Variants in DVL3 observed in about 807,000 individuals in gnomAD.
DVL3 encodes segment polarity protein dishevelled homolog DVL-3.
A neutral mutation model predicts 67.4 loss-of-function variants in DVL3; 27 were observed. The ratio of observed to expected loss-of-function variants is 0.40; its 90% CI spans 0.30 to 0.55. The LOEUF is 0.55. DVL3 is among the 20% of genes least tolerant of loss of function. The pLI is 0.46. For missense variants in DVL3, 819 were observed against 1,021.5 expected (o/e 0.80, Z 2.70); for synonymous variants, 369 against 396.8 (o/e 0.93, Z 0.83).
rs947333915 is a variant in DVL3 at position 184,172,921 on chromosome 3, T to A, written c.*2166T>A. The A allele has an allele frequency of 6.6e-6, 1 of 152,242 alleles. No individual in the cohort carries two copies. Among genetic ancestry groups the A allele is most frequent in the African/African-American group, 2.4e-5 (1 of 41,438 alleles). The allele number at this position is 152,242 out of a possible 1,614,324, so 9.4% of individuals were successfully genotyped here. A position where few individuals can be genotyped will look rare whatever the true frequency, so the allele number is the denominator to read the frequency against. On this transcript the variant is annotated 3_prime_UTR_variant, in exon 15 of 15. Coordinates refer to ENST00000313143, the MANE Select transcript of DVL3 (RefSeq NM_004423.4). The stretch of plus-strand genomic sequence containing the variant: ...TCTCTGACTCTGTCTTGTCCGACTC[T>A]CTTGAGAATTTCTCAACGATTGCTC...
Position 184,163,323 on chromosome 3 carries a change from G to A in DVL3, c.162-334G>A, listed in dbSNP as rs1264062050. Reference sequence around the variant, plus strand: ...ATTAGGGATCAGAGGGAAAGAGAAAGTCTAGCCCAGGAGAGTCATGTTGGG... The same window carrying A: ...ATTAGGGATCAGAGGGAAAGAGAAAATCTAGCCCAGGAGAGTCATGTTGGG... On this transcript the variant is annotated intron_variant, in intron 1 of 14. Transcript: ENST00000313143. The surrounding 1 kb of genome is among the most constrained non-coding windows in gnomAD (Gnocchi z 4.5). Among the ~76,000 whole-genome samples the A allele has an allele frequency of 2.6e-5, 4 of 152,202 alleles. No individual in the cohort carries two copies. Among genetic ancestry groups the A allele is most frequent in the African/African-American group, 9.7e-5 (4 of 41,440 alleles).
chr3:184,169,909 G>C, intron 13 of DVL3, 97 bp from the exon 14 acceptor site: 2 of 1,173,320 alleles, frequency 1.7e-6, no homozygotes, highest in Admixed American at 2.5e-5. Context: ...ATTCTAGCCA[G>C]AAACTACCAC....
chr3:184,166,792 G>A lies in DVL3; in HGVS notation c.1049-34G>A, dbSNP rs549592211. The A allele has an allele frequency of 1.1e-5, 17 of 1,613,482 alleles. No individual in the cohort carries two copies. In the East Asian group the frequency reaches 3.3e-4, roughly 32 times the overall value. On this transcript the variant is annotated intron_variant, in intron 10 of 14. Transcript: ENST00000313143. This position sits in a 1 kb window ranked among gnomAD's most constrained non-coding sequence, Gnocchi z 6.7. ...CCTGTTGGGCCCAGCAGTGGGTGGG[G>A]TGGGTAGCCCATGACTCCTCATCCT...
chr3:184,165,684 G>A lies in DVL3; in HGVS notation c.763+193G>A, dbSNP rs1714558788. Among the ~76,000 whole-genome samples, 1 of 152,208 alleles carries A rather than the reference G, an allele frequency of 6.6e-6. No homozygotes were observed. On this transcript the variant is annotated intron_variant, in intron 7 of 14. Coordinates refer to ENST00000313143, the MANE Select transcript of DVL3 (RefSeq NM_004423.4). The surrounding 1 kb of genome is among the most constrained non-coding windows in gnomAD (Gnocchi z 4.1). ...ACAGAGATAAGCACAGAGAGCTGTGGAAGCAGAAAATGGTATCAGGGAAGG... is the reference window on the plus strand; with the variant it reads ...ACAGAGATAAGCACAGAGAGCTGTGAAAGCAGAAAATGGTATCAGGGAAGG...
intron 13 of DVL3, 98 bp from the exon 14 acceptor site, chr3:184,169,908 A>G: frequency 8.6e-7 from 1 of 1,156,438 alleles, no homozygotes; most frequent in Non-Finnish European, 1.2e-6. Flanking sequence ...CATTCTAGCC[A>G]GAAACTACCA....
Position 184,164,956 on chromosome 3 carries a change from T to C in DVL3, c.599+25T>C, listed in dbSNP as rs775506324. ...GGTGGGGCTTGAGTTTCATGGGTAT[T>C]GTGGGGCAGGTGACCCTGGAGGAGC... On this transcript the variant is annotated intron_variant, in intron 5 of 14. Coordinates refer to ENST00000313143, the MANE Select transcript of DVL3 (RefSeq NM_004423.4). The surrounding 1 kb of genome is among the most constrained non-coding windows in gnomAD (Gnocchi z 5.3). 9.3e-6 allele frequency: 15 copies of C among 1,613,928 alleles called. No individual in the cohort carries two copies. In the South Asian group the frequency reaches 1.3e-4, roughly 14 times the overall value.
chr3:184,160,282 A>G (rs1714336992), intron 1 of DVL3, among the ~76,000 whole-genome samples: 2 of 152,174 alleles, frequency 1.3e-5, no homozygotes, highest in South Asian at 4.1e-4. Context: ...TGAACAATGA[A>G]TGATGAACAG....
At chr3:184,158,280 C>T (rs1178246916) in intron 1 of DVL3, among the ~76,000 whole-genome samples, 3 of 150,960 alleles carry the variant, frequency 2.0e-5, no homozygotes, top group African/African-American at 7.3e-5. Context: ...CTGCAGTGAG[C>T]TGTGATGGTG....
At position 184,163,962 on chromosome 3, in the gene DVL3, T is replaced by C. The variant is rs1217336942; in HGVS notation, c.231+236T>C. Among the ~76,000 whole-genome samples the C allele has an allele frequency of 1.3e-5, 2 of 152,176 alleles. No homozygotes were observed. The highest frequency in any genetic ancestry group is 3.2e-3 in the Middle Eastern group (1 of 316). On this transcript the variant is annotated intron_variant, in intron 2 of 14. Transcript: ENST00000313143. The surrounding 1 kb of genome is among the most constrained non-coding windows in gnomAD (Gnocchi z 4.5). ...ACACAGTGGAGACAGTAACGTTTCC[T>C]ATGCCGTTCAGACACTTGCCTCAGA...
intron 1 of DVL3, among the ~76,000 whole-genome samples, chr3:184,162,894 C>T (rs371982030): frequency 5.9e-5 from 9 of 152,138 alleles, no homozygotes; most frequent in African/African-American, 1.9e-4. Context: ...GTAGTTTGGC[C>T]GGGGGAATGT....
In DVL3 at chr3:184,167,308, G is replaced by C. The variant is rs1166217239; in HGVS notation, c.1199-272G>C. The stretch of plus-strand genomic sequence containing the variant: ...ATGTGTGGTGTAAAGTAAGCATTCA[G>C]TAAACGGCAGCCATTTCGATTATCA... On this transcript the variant is annotated intron_variant, in intron 11 of 14. Coordinates refer to ENST00000313143, the MANE Select transcript of DVL3 (RefSeq NM_004423.4). The surrounding 1 kb of genome is among the most constrained non-coding windows in gnomAD (Gnocchi z 4.6). Among the ~76,000 whole-genome samples, 1 of 152,172 alleles carries C rather than the reference G, an allele frequency of 6.6e-6. No homozygotes were observed. Among genetic ancestry groups the C allele is most frequent in the Non-Finnish European group, 1.5e-5 (1 of 68,038 alleles).
In DVL3 at chr3:184,164,512, G is replaced by T; in HGVS notation, c.374G>T (p.Ser125Ile). 1 of 1,593,544 alleles carries T rather than the reference G, an allele frequency of 6.3e-7. No individual in the cohort carries two copies. The highest frequency in any genetic ancestry group is 8.5e-7 in the Non-Finnish European group (1 of 1,170,818). Residue 125 changes from serine (S) to isoleucine (I), a missense_variant, in exon 4 of 15, where the codon AGC becomes ATC. Physicochemically the swap from Ser to Ile is moderately radical, Grantham distance 142. Around this residue, in one of 3 missense-constraint regions of DVL3, gnomAD observed 385 missense variants for 486.8 expected, o/e 0.79. Coordinates refer to ENST00000313143, the MANE Select transcript of DVL3 (RefSeq NM_004423.4). This position sits in a 1 kb window ranked among gnomAD's most constrained non-coding sequence, Gnocchi z 5.3. ...TGCAGCCCTCATGCTGGTGGGGGCA[G>T]CCAGGAGAACCTGGACAATGACACA... ...PSFHPHAGGG[S>I]QENLDNDTET...
rs1714620350 is a variant in DVL3 at position 184,167,061 on chromosome 3, A to C, written c.1198+86A>C. On this transcript the variant is annotated intron_variant, in intron 11 of 14. Coordinates refer to ENST00000313143, the MANE Select transcript of DVL3 (RefSeq NM_004423.4). This position sits in a 1 kb window ranked among gnomAD's most constrained non-coding sequence, Gnocchi z 4.6. ...GGGTCCATGTGGAGACTCTTGCTTG[A>C]GCATCAGAGAGGGCTGGAGATGGGG... is the stretch of plus-strand genomic sequence containing the variant. The C allele has an allele frequency of 6.7e-7, 1 of 1,502,954 alleles. No homozygotes were observed. Among genetic ancestry groups the C allele is most frequent in the African/African-American group, 1.4e-5 (1 of 72,314 alleles). 93.1% of individuals were successfully genotyped at this position (1,502,954 alleles called of 1,614,324 possible).
At position 184,166,875 on chromosome 3, in the gene DVL3, A is replaced by G. The variant is rs1714610863; in HGVS notation, c.1098A>G (p.Ala366=). The G allele has an allele frequency of 6.2e-7, 1 of 1,614,000 alleles. No individual in the cohort carries two copies. The highest frequency in any genetic ancestry group is 1.1e-5 in the South Asian group (1 of 91,088). The change falls in exon 11 of 15, where the codon GCA becomes GCG. Residue 366 remains alanine, a synonymous_variant. Transcript: ENST00000313143. The surrounding 1 kb of genome is among the most constrained non-coding windows in gnomAD (Gnocchi z 6.7). ...CTGCGGCCTGGGTCTCCCACACTGCAGCCATGACCGGCACCTTCCCTGCAT... is the reference window on the plus strand; with the variant it reads ...CTGCGGCCTGGGTCTCCCACACTGCGGCCATGACCGGCACCTTCCCTGCAT... ...IDPAAWVSHT[A]AMTGTFPAYG... is the part of the protein sequence containing the mutation.
intron 1 of DVL3, among the ~76,000 whole-genome samples, chr3:184,158,780 T>C (rs1714282719): frequency 1.6e-5 from 1 of 62,036 alleles, no homozygotes; most frequent in African/African-American, 6.4e-5. Flanking sequence ...ATTTTTTTTC[T>C]TTTTTTTTTT....
chr3:184,168,072 G>T lies in DVL3; in HGVS notation c.1498+7G>T. 1.9e-6 allele frequency: 3 copies of T among 1,611,472 alleles called. No homozygotes were observed. The highest frequency in any genetic ancestry group is 2.5e-6 in the Non-Finnish European group (3 of 1,177,874). On this transcript the variant is annotated splice_region_variant and intron_variant, in intron 13 of 14. Transcript: ENST00000313143. ...TTCGGTGACCTCTGCGGCAGTATGT[G>T]CCTCCCTCATCTTCTTGCCCTGTCT...
chr3:184,167,567 C>T lies in DVL3; in HGVS notation c.1199-13C>T. The T allele has an allele frequency of 1.2e-6, 2 of 1,612,428 alleles. No individual in the cohort carries two copies. Among genetic ancestry groups the T allele is most frequent in the Non-Finnish European group, 1.7e-6 (2 of 1,179,954 alleles). On this transcript the variant is annotated splice_polypyrimidine_tract_variant and intron_variant, in intron 11 of 14. Coordinates refer to ENST00000313143, the MANE Select transcript of DVL3 (RefSeq NM_004423.4). This position sits in a 1 kb window ranked among gnomAD's most constrained non-coding sequence, Gnocchi z 4.6. ...GCCCCTTTCTGCCTCACCATTCTGCCTCCCACCCCCAGGCCTAGACGACTT... is the reference window on the plus strand; with the variant it reads ...GCCCCTTTCTGCCTCACCATTCTGCTTCCCACCCCCAGGCCTAGACGACTT...
chr3:184,158,926 C>T (rs144520954), intron 1 of DVL3, among the ~76,000 whole-genome samples: 15 of 152,010 alleles, frequency 9.9e-5, no homozygotes, highest in Non-Finnish European at 1.9e-4. Context: ...CAGGCATGAG[C>T]CACCATGCCT....
chr3:184,164,585 G>A lies in DVL3; in HGVS notation c.447G>A (p.Arg149=), dbSNP rs1299260409. The A allele has an allele frequency of 6.4e-7, 1 of 1,558,882 alleles. No individual in the cohort carries two copies. The highest frequency in any genetic ancestry group is 1.9e-5 in the Admixed American group (1 of 53,598). Residue 149 remains arginine, a synonymous_variant, in exon 4 of 15, where the codon AGG becomes AGA. Coordinates refer to ENST00000313143, the MANE Select transcript of DVL3 (RefSeq NM_004423.4). The surrounding 1 kb of genome is among the most constrained non-coding windows in gnomAD (Gnocchi z 5.3). ...CCCAGCGAGAGCGGCCACGCCGGAG[G>A]GATGGCCCAGAGCATGGTATATCTT... ...VSAQRERPRR[R]DGPEHATRLN...
Sources: allele counts gnomAD v4.1 joint callset (sites outside exome capture counted in the v4.1 genomes callset), GRCh38; gene constraint gnomAD v4.1.1; regional missense constraint gnomAD v4.1.1; non-coding constraint Gnocchi (gnomAD v3.1); transcripts MANE v1.5; gene names NCBI Gene and HGNC (gene_info 2026-07-23, HGNC 2026-07-21).